The following ROCK1 variants were observed in gnomAD, a reference collection of about 807,000 sequenced individuals.
ROCK1 encodes the protein Rho associated coiled-coil containing protein kinase 1, also known as rho-associated protein kinase 1.
A neutral mutation model predicts 196.8 loss-of-function variants in ROCK1; 36 were observed. The ratio of observed to expected loss-of-function variants is 0.18; its 90% CI spans 0.14 to 0.24. The LOEUF (loss-of-function observed/expected upper bound fraction) is 0.24, where lower values mean the gene tolerates loss of function less well. ROCK1 is among the 10% of genes least tolerant of loss of function. The pLI, the probability that ROCK1 is intolerant of heterozygous loss-of-function variation, is 1.00. For synonymous variants in ROCK1, 443 were observed against 515.9 expected, an observed-to-expected ratio of 0.86 and a Z score of 1.91; for missense variants, 920 against 1,562.0, an observed-to-expected ratio of 0.59 and a Z score of 6.93.
chr18:20,970,156 C>T (rs2035412740), intron 23 of ROCK1, 192 bp downstream of exon 23: 3 of 471,994 alleles, frequency 6.4e-6, no homozygotes, highest in Non-Finnish European at 1.1e-5. Flanking sequence ...AGCCCAATAT[C>T]TTGAACAAGA....
chr18:21,030,870 T>G (rs570339185), intron 9 of ROCK1, among the ~76,000 whole-genome samples: 1 of 152,134 alleles, frequency 6.6e-6, no homozygotes, highest in Non-Finnish European at 1.5e-5. Flanking sequence ...ATACCTCCAC[T>G]GAAGCAACCA....
intron 1 of ROCK1, among the ~76,000 whole-genome samples, chr18:21,082,014 C>T (rs2036486896): frequency 6.6e-6 from 1 of 152,054 alleles, no homozygotes; most frequent in Non-Finnish European, 1.5e-5. Context: ...TGTAGGGGCA[C>T]AGTCTCAGTT....
intron 1 of ROCK1, among the ~76,000 whole-genome samples, chr18:21,071,980 T>A (rs1358295942): frequency 6.6e-6 from 1 of 152,216 alleles, no homozygotes; most frequent in Admixed American, 6.5e-5. Context: ...TTTCTGTTAC[T>A]GACATTTGAA....
chr18:21,104,424 T>C (rs997395078), intron 1 of ROCK1, among the ~76,000 whole-genome samples: 2 of 152,046 alleles, frequency 1.3e-5, no homozygotes, highest in African/African-American at 4.8e-5. Context: ...GGTGAAACCC[T>C]GTCTCTACTA....
intron 23 of ROCK1, 122 bp downstream of exon 23, chr18:20,970,226 T>A: frequency 1.5e-6 from 1 of 647,446 alleles, no homozygotes; most frequent in Non-Finnish European, 2.6e-6. Flanking sequence ...GAGTACAGAA[T>A]GACCACTATG....
At chr18:21,056,914 C>T (rs2036249069) in intron 2 of ROCK1, among the ~76,000 whole-genome samples, 1 of 152,180 alleles carries the variant, frequency 6.6e-6, no homozygotes, top group Non-Finnish European at 1.5e-5. Flanking sequence ...CTCAGACATC[C>T]ACATGGCTAA....
At chr18:20,967,577 C>A (rs1321192534) in intron 26 of ROCK1, among the ~76,000 whole-genome samples, 175 bp downstream of exon 26, 8 of 152,114 alleles carry the variant, frequency 5.3e-5, no homozygotes, top group African/African-American at 1.9e-4. Flanking sequence ...AAAACCTCTA[C>A]CCCAATTATA....
chr18:21,036,559 C>T lies in ROCK1; in HGVS notation c.1051+2913G>A, dbSNP rs142274561. On this transcript the variant is annotated intron_variant, in intron 9 of 32. Transcript: ENST00000399799. ...TCCTGGGCTCAGGTGATTCTCTTAC[C>T]TCAGCCTCCCAAGTAGTTGAAACAT... is the stretch of plus-strand genomic sequence containing the variant. Among the ~76,000 whole-genome samples, 70 of 152,262 alleles carry T rather than the reference C, an allele frequency of 4.6e-4. No homozygotes were observed. In the East Asian group the frequency reaches 0.013, roughly 28 times the overall value.
intron 25 of ROCK1, 86 bp from the exon 26 acceptor site, chr18:20,968,026 A>T: frequency 8.3e-7 from 1 of 1,207,820 alleles, no homozygotes; most frequent in Non-Finnish European, 1.1e-6. Flanking sequence ...ATCAGGAAGC[A>T]GGACTTTCTG....
At chr18:21,075,810 G>A (rs767387673) in intron 1 of ROCK1, among the ~76,000 whole-genome samples, 19 of 151,818 alleles carry the variant, frequency 1.3e-4, no homozygotes, top group South Asian at 2.1e-4. Context: ...AAAATTAGCC[G>A]GGTATGGGGA....
intron 9 of ROCK1, 89 bp downstream of exon 9, chr18:21,039,381 TAC>T: frequency 1.2e-6 from 1 of 847,830 alleles, no homozygotes; most frequent in Non-Finnish European, 1.9e-6. Flanking sequence ...TTTCATCAGA[TAC>T]ACACAAATAT....
At chr18:20,959,065 T>A (rs1280216669) in intron 29 of ROCK1, among the ~76,000 whole-genome samples, 44 of 48,416 alleles carry the variant, frequency 9.1e-4, no homozygotes, top group African/African-American at 7.1e-3. Context: ...TATTATATTT[T>A]ATATTATATA....
chr18:21,075,770 T>G (rs1296786205), intron 1 of ROCK1, among the ~76,000 whole-genome samples: 1 of 151,598 alleles, frequency 6.6e-6, no homozygotes. Flanking sequence ...CTGACCAACA[T>G]GGAGAAACCC....
chr18:20,997,911 A>G (rs1021252111), intron 16 of ROCK1, among the ~76,000 whole-genome samples: 35 of 150,656 alleles, frequency 2.3e-4, no homozygotes, highest in African/African-American at 8.6e-4. Context: ...ATCTTGGCTC[A>G]CTGCAACTTC....
chr18:20,958,911 TTTATA>T (rs979721659), intron 29 of ROCK1, among the ~76,000 whole-genome samples: 5 of 58,542 alleles, frequency 8.5e-5, no homozygotes, highest in Non-Finnish European at 1.1e-4. Context: ...ATATATATAT[TTTATA>T]TATTTTATAT....
intron 1 of ROCK1, among the ~76,000 whole-genome samples, chr18:21,078,443 TAGAG>T (rs200199353): frequency 0.011 from 1,589 of 149,950 alleles, 98 homozygotes; most frequent in Admixed American, 0.097. Flanking sequence ...TTTAGGCAGA[TAGAG>T]AGGAAAAAAA....
At chr18:21,021,248 ATATGCCTGAGAAGTATACAG>A in intron 11 of ROCK1, among the ~76,000 whole-genome samples, 1 of 152,312 alleles carries the variant, frequency 6.6e-6, no homozygotes, top group East Asian at 1.9e-4. Flanking sequence ...GCCTAGTTTG[ATATGCCTGAGAAGTATACAG>A]AAGAGAGAGA....
At chr18:21,037,564 T>G (rs1451742282) in intron 9 of ROCK1, among the ~76,000 whole-genome samples, 1 of 152,088 alleles carries the variant, frequency 6.6e-6, no homozygotes, top group Admixed American at 6.6e-5. Context: ...GAACAATAAG[T>G]TCTACAGATT....
intron 22 of ROCK1, 113 bp downstream of exon 22, chr18:20,979,797 A>T: frequency 7.9e-7 from 1 of 1,272,026 alleles, no homozygotes; most frequent in Non-Finnish European, 1.0e-6. Flanking sequence ...TTAGCCCAAT[A>T]AACTGTGTTC....
Sources: gnomAD v4.1 joint callset for allele counts (sites outside exome capture counted in the v4.1 genomes callset) on GRCh38, gnomAD v4.1.1 for gene constraint, MANE v1.5 for transcripts, NCBI Gene and HGNC (gene_info 2026-07-23, HGNC 2026-07-21) for gene names.